The following CCDC81 variants were observed in gnomAD, a reference collection of about 807,000 sequenced individuals.
The protein encoded by CCDC81 is coiled-coil domain-containing protein 81.
CCDC81 carries 79 observed loss-of-function variants against 83.7 expected under a neutral mutation model. The observed-to-expected ratio is 0.94, with a 90% CI of 0.79 to 1.14. CCDC81 has a LOEUF of 1.14. Ranked by LOEUF, CCDC81 falls within the 50% of genes most tolerant of loss-of-function variation. CCDC81 has a pLI of 0.00. For missense variants in CCDC81, 791 were observed against 778.1 expected (o/e 1.02, Z -0.20); for synonymous variants, 252 against 278.1 (o/e 0.91, Z 0.93).
chr11:86,381,495 T>C (rs905945174), intron 1 of CCDC81, among the ~76,000 whole-genome samples: 5 of 152,196 alleles, frequency 3.3e-5, no homozygotes, highest in African/African-American at 1.2e-4. Context: ...CCTGGAGGTT[T>C]TAACTCTTGG....
intron 5 of CCDC81, among the ~76,000 whole-genome samples, chr11:86,396,069 C>T (rs1337321030): frequency 6.6e-6 from 1 of 152,226 alleles, no homozygotes; most frequent in African/African-American, 2.4e-5. Flanking sequence ...CTAGCTGCTG[C>T]TTCTTCCTTC....
At chr11:86,403,263 G>C (rs1948517631) in intron 7 of CCDC81, among the ~76,000 whole-genome samples, 2 of 151,972 alleles carry the variant, frequency 1.3e-5, no homozygotes, top group Non-Finnish European at 2.9e-5. Context: ...TTAAAAAAAA[G>C]TTGTATTTTT....
intron 4 of CCDC81, chr11:86,395,101 TG>T (rs1227776068): frequency 2.8e-6 from 1 of 354,870 alleles, no homozygotes; most frequent in African/African-American, 2.1e-5. Flanking sequence ...TAAAAGGAAA[TG>T]GTTTGAGAAA....
chr11:86,411,707 T>C (rs1948643614), intron 10 of CCDC81, among the ~76,000 whole-genome samples: 1 of 152,214 alleles, frequency 6.6e-6, no homozygotes, highest in South Asian at 2.1e-4. Context: ...GGAGTCCTTT[T>C]TCATCTCTGT....
At chr11:86,401,989 C>G (rs1948495965) in intron 7 of CCDC81, among the ~76,000 whole-genome samples, 1 of 151,562 alleles carries the variant, frequency 6.6e-6, no homozygotes, top group African/African-American at 2.4e-5. Context: ...AAAAAAATTA[C>G]CCGGGTGTGG....
At chr11:86,393,624 G>A (rs915769419) in intron 4 of CCDC81, among the ~76,000 whole-genome samples, 1 of 152,134 alleles carries the variant, frequency 6.6e-6, no homozygotes, top group African/African-American at 2.4e-5. Context: ...AATCTAATTT[G>A]AGTCATGGAG....
chr11:86,407,561 C>A, intron 7 of CCDC81, 53 bp from the exon 8 acceptor site: 1 of 1,191,374 alleles, frequency 8.4e-7, no homozygotes, highest in Non-Finnish European at 1.2e-6. Context: ...ATTATTATTG[C>A]CCTTGAGGTC....
At chr11:86,406,145 A>C (rs1346040369) in intron 7 of CCDC81, among the ~76,000 whole-genome samples, 1 of 152,106 alleles carries the variant, frequency 6.6e-6, no homozygotes, top group Non-Finnish European at 1.5e-5. Flanking sequence ...CTGTCTTTTC[A>C]GTACACTTAT....
chr11:86,422,882 C>A lies in CCDC81; in HGVS notation c.*167C>A. 1.5e-6 allele frequency: 1 copy of A among 652,064 alleles called. No homozygotes were observed. 40.4% of individuals were successfully genotyped at this position (652,064 alleles called of 1,614,324 possible). The stretch of plus-strand genomic sequence containing the variant: ...CCCTTATTGAATTCACTCCTGCTTT[C>A]CTCCCACCCCCAATTATTTCCTATA... On this transcript the variant is annotated 3_prime_UTR_variant, in exon 15 of 15. Coordinates refer to ENST00000445632, the MANE Select transcript of CCDC81 (RefSeq NM_001156474.2).
In CCDC81 at chr11:86,384,818, AAC is replaced by A. The variant is rs1948220314; in HGVS notation, c.80-1229_80-1228del. Among the ~76,000 whole-genome samples, 3 of 152,350 alleles carry A rather than the reference AAC, an allele frequency of 2.0e-5. No individual in the cohort carries two copies. In the South Asian group the frequency reaches 6.2e-4, roughly 32 times the overall value. ...TCTTAACTGGAAAGTATCTTTGATA[AAC>A]ACATGGTTAGGTCTGGAAGGGCGAT... On this transcript the variant is annotated intron_variant, in intron 1 of 14. Coordinates refer to ENST00000445632, the MANE Select transcript of CCDC81 (RefSeq NM_001156474.2).
intron 3 of CCDC81, among the ~76,000 whole-genome samples, chr11:86,388,587 CT>C (rs779963112): frequency 1.4e-4 from 21 of 152,164 alleles, no homozygotes; most frequent in Non-Finnish European, 2.8e-4. Context: ...TAACTTTCTA[CT>C]TTCAAAAGAA....
rs1948765467 is a variant in CCDC81 at position 86,419,834 on chromosome 11, G to GT, written c.1692-94_1692-93insT. 4.4e-5 allele frequency: 61 copies of GT among 1,376,762 alleles called. No homozygotes were observed. The South Asian group carries it at 7.2e-4, about 16-fold the overall frequency. The allele number at this position is 1,376,762 out of a possible 1,614,324, so 85.3% of individuals were successfully genotyped here. Reference sequence around the variant, plus strand: ...TTCAGAGTAGTGAACAAAACCAGAAGGTTTTTTTTGTTTAACATAAAAGGA... The same window carrying GT: ...TTCAGAGTAGTGAACAAAACCAGAAGTGTTTTTTTTGTTTAACATAAAAGGA... On this transcript the variant is annotated intron_variant, in intron 13 of 14. Transcript: ENST00000445632.
Position 86,392,580 on chromosome 11 carries a change from C to G in CCDC81, c.338C>G (p.Ser113Cys). The G allele has an allele frequency of 6.4e-7, 1 of 1,551,568 alleles. No individual in the cohort carries two copies. The highest frequency in any genetic ancestry group is 8.7e-7 in the Non-Finnish European group (1 of 1,146,942). Residue 113 changes from serine (S) to cysteine (C), a missense_variant, in exon 4 of 15, where the codon TCC becomes TGC. Transcript: ENST00000445632. ...GTTCCACTTAATTTTGTCATGATATCCCTGGAGGGTCCATTTAACAGAGAT... is the reference window on the plus strand; with the variant it reads ...GTTCCACTTAATTTTGTCATGATATGCCTGGAGGGTCCATTTAACAGAGAT... ...PIVPLNFVMI[S>C]LEGPFNRDVV...
rs292108 is a variant in CCDC81 at position 86,392,434 on chromosome 11, T to C, written c.299-107T>C. 322 of 1,301,540 alleles carry C rather than the reference T, an allele frequency of 2.5e-4. No homozygotes were observed. In the East Asian group the frequency reaches 4.9e-3, roughly 20 times the overall value. 80.6% of individuals were successfully genotyped at this position (1,301,540 alleles called of 1,614,324 possible). ...ACTAAAAGCTTCATCCAGAAGATTCTATTTTAGGGCATTGAGAATCAGATA... is the reference window on the plus strand; with the variant it reads ...ACTAAAAGCTTCATCCAGAAGATTCCATTTTAGGGCATTGAGAATCAGATA... On this transcript the variant is annotated intron_variant, in intron 3 of 14. Transcript: ENST00000445632.
intron 10 of CCDC81, among the ~76,000 whole-genome samples, chr11:86,409,886 G>T (rs1948617247): frequency 6.6e-6 from 1 of 152,200 alleles, no homozygotes; most frequent in Non-Finnish European, 1.5e-5. Context: ...GTCACTGCAG[G>T]TCTTGTTAAT....
chr11:86,415,265 T>C lies in CCDC81; in HGVS notation c.1643T>C (p.Leu548Pro). Residue 548 changes from leucine to proline, a missense_variant, in exon 13 of 15, where the codon CTA becomes CCA. Physicochemically the swap from Leu to Pro is moderately conservative, Grantham distance 98. Transcript: ENST00000445632. ...NHKRKAILHQ[L>P]VDQRRDLQML... ...AAGAGGAAAGCCATCCTGCATCAAC[T>C]AGTGGACCAGAGGCGGGATTTGCAA... The C allele has an allele frequency of 6.2e-7, 1 of 1,614,138 alleles. No individual in the cohort carries two copies. The highest frequency in any genetic ancestry group is 8.5e-7 in the Non-Finnish European group (1 of 1,180,020).
At chr11:86,420,301 C>T (rs1428092384) in intron 14 of CCDC81, among the ~76,000 whole-genome samples, 1 of 152,046 alleles carries the variant, frequency 6.6e-6, no homozygotes, top group African/African-American at 2.4e-5. Flanking sequence ...CTTAGGGTGG[C>T]TTTATTTGCT....
At chr11:86,400,323 C>T (rs909912539) in intron 6 of CCDC81, among the ~76,000 whole-genome samples, 17 of 152,072 alleles carry the variant, frequency 1.1e-4, no homozygotes, top group East Asian at 1.9e-4. Flanking sequence ...CTATATCTAT[C>T]GAAAGATCTT....
intron 1 of CCDC81, among the ~76,000 whole-genome samples, chr11:86,381,951 G>A (rs900475805): frequency 1.3e-5 from 2 of 152,168 alleles, no homozygotes; most frequent in African/African-American, 4.8e-5. Flanking sequence ...TTGGCAAAGG[G>A]AATGACAGGG....
Sources: gnomAD v4.1 joint callset for allele counts (sites outside exome capture counted in the v4.1 genomes callset) on GRCh38, gnomAD v4.1.1 for gene constraint, MANE v1.5 for transcripts, NCBI Gene and HGNC (gene_info 2026-07-23, HGNC 2026-07-21) for gene names.